TRPM8: variants seen among roughly 807,000 people sequenced by gnomAD.
TRPM8 encodes the protein transient receptor potential cation channel subfamily M member 8.
Under a neutral mutation model 133.7 loss-of-function variants are expected in TRPM8, and 110 were observed. The observed-to-expected ratio is 0.82, with a 90% CI of 0.70 to 0.96. The LOEUF (loss-of-function observed/expected upper bound fraction) is 0.96, where lower values mean the gene tolerates loss of function less well. Among genes scored for constraint, TRPM8 ranks in the 40% least tolerant of loss-of-function variants. The pLI is 0.00. For synonymous variants in TRPM8, 535 were observed against 532.3 expected (o/e 1.01, Z -0.07); for missense variants, 1,291 against 1,379.5 (o/e 0.94, Z 1.02).
intron 11 of TRPM8, among the ~76,000 whole-genome samples, chr2:233,956,597 A>G (rs1489729748): frequency 6.6e-6 from 1 of 152,218 alleles, no homozygotes. Context: ...AGGTGCATAT[A>G]TTTCATAACT....
In TRPM8 at chr2:233,970,266, C is replaced by A; in HGVS notation, c.2195C>A (p.Thr732Asn). Residue 732 changes from threonine (T) to asparagine (N), a missense_variant, in exon 17 of 26, where the codon ACC becomes AAC. Physicochemically the swap from Thr to Asn is moderately conservative, Grantham distance 65. Transcript: ENST00000324695. Reference sequence around the variant, plus strand: ...CTTTGGTACTATGTGGCGTTCTTCACCTCCCCCTTCGTGGTCTTCTCCTGG... The same window carrying A: ...CTTTGGTACTATGTGGCGTTCTTCAACTCCCCCTTCGTGGTCTTCTCCTGG... Reference protein sequence around the residue: ...KLLWYYVAFFTSPFVVFSWNV... With the variant: ...KLLWYYVAFFNSPFVVFSWNV... The A allele has an allele frequency of 6.2e-7, 1 of 1,614,200 alleles. No individual in the cohort carries two copies. The highest frequency in any genetic ancestry group is 8.5e-7 in the Non-Finnish European group (1 of 1,180,040).
At chr2:233,972,128 T>A (rs1235820452) in intron 17 of TRPM8, among the ~76,000 whole-genome samples, 4 of 152,156 alleles carry the variant, frequency 2.6e-5, no homozygotes, top group Non-Finnish European at 4.4e-5. Context: ...GGGTGCTGAT[T>A]GGTGTGTTTA....
intron 1 of TRPM8, among the ~76,000 whole-genome samples, chr2:233,925,068 T>C (rs939505738): frequency 1.1e-4 from 16 of 152,178 alleles, no homozygotes; most frequent in African/African-American, 3.9e-4. Context: ...CATGGCCCCC[T>C]GGGCTGAGGG....
chr2:233,944,173 T>C (rs1394224995), intron 6 of TRPM8, among the ~76,000 whole-genome samples: 1 of 152,190 alleles, frequency 6.6e-6, no homozygotes, highest in African/African-American at 2.4e-5. Flanking sequence ...GAATGGTAGC[T>C]TCTATTATTA....
chr2:233,996,625 G>A, intron 22 of TRPM8, 109 bp downstream of exon 22: 1 of 1,003,058 alleles, frequency 1.0e-6, no homozygotes, highest in Non-Finnish European at 1.5e-6. Context: ...ATCTTTCACT[G>A]TTCACATCTG....
intron 4 of TRPM8, among the ~76,000 whole-genome samples, 173 bp downstream of exon 4, chr2:233,937,682 C>G (rs1306118854): frequency 6.6e-6 from 1 of 152,140 alleles, no homozygotes; most frequent in Non-Finnish European, 1.5e-5. Flanking sequence ...AGTTATTAGG[C>G]TATGCTCAAC....
rs1559516485 is a variant in TRPM8 at position 233,927,855 on chromosome 2, T to TTCCTTCCTTC, written c.117+1201_117+1202insTCCTTCCTTC. 7.7e-5 allele frequency among the ~76,000 whole-genome samples: 3 copies of TTCCTTCCTTC among 39,134 alleles called. 1 individual carries two copies. The highest frequency in any genetic ancestry group is 9.1e-5 in the Non-Finnish European group (2 of 21,924). The allele number at this position is 39,134 out of a possible 152,430, so 25.7% of individuals were successfully genotyped here. A position where few individuals can be genotyped will look rare whatever the true frequency, so the allele number is the denominator to read the frequency against. ...TCCTTCCTTCCTTCCTTCCTTCCTT[T>TTCCTTCCTTC]CTTTCTCTTTCTTTCTTTCTTTCTT... On this transcript the variant is annotated intron_variant, in intron 2 of 25. Transcript: ENST00000324695.
intron 17 of TRPM8, among the ~76,000 whole-genome samples, chr2:233,973,590 C>T (rs1378764823): frequency 6.6e-6 from 1 of 152,222 alleles, no homozygotes; most frequent in Non-Finnish European, 1.5e-5. Context: ...TGCAATGCCC[C>T]TGTTTCCAAA....
Position 233,961,000 on chromosome 2 carries a change from G to A in TRPM8, c.1587G>A (p.Ala529=), listed in dbSNP as rs139586895. The A allele has an allele frequency of 2.1e-4, 331 of 1,614,104 alleles. 1 individual carries two copies. In the African/African-American group the frequency reaches 3.7e-3, roughly 18 times the overall value. ...ALLTFVWKLV[A]NFRRGFRKED... ...TCACGTTTGTCTGGAAACTGGTTGC[G>A]AACTTCCGAAGAGGCTTCCGGAAGG... is the stretch of plus-strand genomic sequence containing the variant. The change falls in exon 12 of 26, where the codon GCG becomes GCA. Residue 529 remains alanine, a synonymous_variant. Coordinates refer to ENST00000324695, the MANE Select transcript of TRPM8 (RefSeq NM_024080.5).
chr2:234,000,400 C>T (rs1016672984), intron 22 of TRPM8, among the ~76,000 whole-genome samples: 12 of 152,138 alleles, frequency 7.9e-5, no homozygotes, highest in Non-Finnish European at 1.3e-4. Context: ...TGAGCCACTG[C>T]GCCCTGGCCC....
At chr2:233,980,302 C>G (rs1691974937) in intron 18 of TRPM8, 23 bp downstream of exon 18, 2 of 1,529,632 alleles carry the variant, frequency 1.3e-6, no homozygotes, top group Non-Finnish European at 1.8e-6. Flanking sequence ...ATCACTTTTC[C>G]TAATTTTCTG....
intron 13 of TRPM8, among the ~76,000 whole-genome samples, chr2:233,964,296 A>C (rs552429528): frequency 6.6e-6 from 1 of 152,282 alleles, no homozygotes; most frequent in African/African-American, 2.4e-5. Flanking sequence ...TCACACCTGT[A>C]ATCCCAGCAC....
At chr2:233,946,119 T>C in intron 7 of TRPM8, 89 bp downstream of exon 7, 1 of 1,300,126 alleles carries the variant, frequency 7.7e-7, no homozygotes, top group Non-Finnish European at 1.1e-6. Context: ...TATTGAGTGA[T>C]GCGTGAGAAA....
At chr2:234,010,962 G>T (rs1196615095) in intron 24 of TRPM8, among the ~76,000 whole-genome samples, 1 of 152,126 alleles carries the variant, frequency 6.6e-6, no homozygotes, top group Non-Finnish European at 1.5e-5. Flanking sequence ...TTGTTGTGAA[G>T]AAGGTTTTGT....
Position 233,930,713 on chromosome 2 carries a change from GTCT to G in TRPM8, c.168_170del (p.Phe57del). 1.2e-6 allele frequency: 2 copies of G among 1,609,532 alleles called. No individual in the cohort carries two copies. The highest frequency in any genetic ancestry group is 1.1e-5 in the South Asian group (1 of 90,482). On this transcript the variant is annotated inframe_deletion, in exon 3 of 26. Transcript: ENST00000324695. ...AGCAAATTTTAAGAAACGAGAATGT[GTCT>G]TCTTTACCAAAGATTCCAAGGCCAC... is the stretch of plus-strand genomic sequence containing the variant.
chr2:233,956,466 A>T (rs1464024456), intron 11 of TRPM8, among the ~76,000 whole-genome samples: 6 of 152,226 alleles, frequency 3.9e-5, no homozygotes. Context: ...GAAAATTATT[A>T]TAAACCATCA....
intron 3 of TRPM8, among the ~76,000 whole-genome samples, chr2:233,931,502 A>G (rs1338800446): frequency 1.3e-5 from 2 of 152,220 alleles, no homozygotes; most frequent in African/African-American, 4.8e-5. Flanking sequence ...GGATATAGAA[A>G]TAAGGAAAAA....
chr2:233,918,194 CT>C (rs1284608664), intron 1 of TRPM8, among the ~76,000 whole-genome samples: 2 of 151,894 alleles, frequency 1.3e-5, no homozygotes, highest in African/African-American at 4.8e-5. Flanking sequence ...GAAGTTTTAG[CT>C]TGTCAAAATC....
intron 21 of TRPM8, among the ~76,000 whole-genome samples, chr2:233,990,504 A>C (rs1692248078): frequency 6.6e-6 from 1 of 152,218 alleles, no homozygotes; most frequent in Non-Finnish European, 1.5e-5. Context: ...TCTTAGGTCC[A>C]CATGTGCAGT....
Sources: gnomAD v4.1 joint callset for allele counts (sites outside exome capture counted in the v4.1 genomes callset) on GRCh38, gnomAD v4.1.1 for gene constraint, MANE v1.5 for transcripts, NCBI Gene and HGNC (gene_info 2026-07-23, HGNC 2026-07-21) for gene names.